Variants in ZNF385D observed in about 807,000 individuals in gnomAD.
The protein encoded by ZNF385D is zinc finger protein 659.
A neutral mutation model predicts 35.8 loss-of-function variants in ZNF385D; 15 were observed. The observed-to-expected ratio is 0.42, with a 90% CI of 0.28 to 0.64. The LOEUF is 0.64. Among genes scored for constraint, ZNF385D ranks in the 30% least tolerant of loss-of-function variants. ZNF385D has a pLI of 0.23. For synonymous variants in ZNF385D, 212 were observed against 186.8 expected (o/e 1.13, Z -1.10); for missense variants, 474 against 494.6 (o/e 0.96, Z 0.39).
intron 2 of ZNF385D, among the ~76,000 whole-genome samples, chr3:21,631,409 C>T (rs1205430890): frequency 6.6e-6 from 1 of 152,054 alleles, no homozygotes; most frequent in Non-Finnish European, 1.5e-5. Context: ...AGCCTATCTC[C>T]CCACCCTACT....
intron 2 of ZNF385D, among the ~76,000 whole-genome samples, chr3:21,652,023 T>C (rs1285724357): frequency 6.6e-6 from 1 of 152,196 alleles, no homozygotes; most frequent in East Asian, 1.9e-4. Flanking sequence ...CCATTAGAAT[T>C]GATACTCATA....
chr3:22,235,034 G>A (rs1699099339), intron 2 of ZNF385D, among the ~76,000 whole-genome samples: 1 of 151,976 alleles, frequency 6.6e-6, no homozygotes, highest in Non-Finnish European at 1.5e-5. Context: ...AAGATTTCAA[G>A]TGGAGCCACT....
intron 3 of ZNF385D, among the ~76,000 whole-genome samples, chr3:22,044,180 G>C (rs1698845830): frequency 6.6e-6 from 1 of 151,624 alleles, no homozygotes; most frequent in East Asian, 1.9e-4. Context: ...AGTCACAAAA[G>C]TACTCCTTAA....
At chr3:21,672,856 T>G (rs2066617539) in intron 1 of ZNF385D, among the ~76,000 whole-genome samples, 1 of 152,118 alleles carries the variant, frequency 6.6e-6, no homozygotes, top group Non-Finnish European at 1.5e-5. Context: ...AAACGGGATC[T>G]CTCACTTATT....
chr3:22,073,330 GA>G (rs5847159), intron 3 of ZNF385D, among the ~76,000 whole-genome samples: 1,518 of 138,540 alleles, frequency 0.011, 17 homozygotes, highest in African/African-American at 0.024. Flanking sequence ...AACAGACAGT[GA>G]AAAAAAAAAA....
intron 3 of ZNF385D, among the ~76,000 whole-genome samples, chr3:22,035,181 G>C (rs535474793): frequency 2.0e-5 from 3 of 152,136 alleles, no homozygotes; most frequent in Non-Finnish European, 4.4e-5. Flanking sequence ...GTATCATTTA[G>C]TTTGATCGCA....
At chr3:21,827,010 C>T (rs979463900) in intron 3 of ZNF385D, among the ~76,000 whole-genome samples, 5 of 152,086 alleles carry the variant, frequency 3.3e-5, no homozygotes, top group Non-Finnish European at 7.4e-5. Context: ...TGTGCCTCTG[C>T]TTCTCTATAG....
chr3:21,945,106 G>C (rs1206292775), intron 3 of ZNF385D, among the ~76,000 whole-genome samples: 3 of 151,666 alleles, frequency 2.0e-5, no homozygotes, highest in Non-Finnish European at 4.4e-5. Context: ...ATGTGTGTGT[G>C]TGTGCATGTA....
intron 2 of ZNF385D, among the ~76,000 whole-genome samples, chr3:22,195,557 A>ACATT (rs2125233152): frequency 6.6e-6 from 1 of 152,144 alleles, no homozygotes; most frequent in Non-Finnish European, 1.5e-5. Context: ...TTATAGTTTT[A>ACATT]CATTTTGAAA....
At chr3:21,962,170 G>T (rs1479962) in intron 3 of ZNF385D, among the ~76,000 whole-genome samples, 103,593 of 151,662 alleles carry the variant, frequency 0.68, 36,511 homozygotes, top group Non-Finnish European at 0.77. Flanking sequence ...ATGTTTAAGA[G>T]GATATTGCTG....
chr3:21,990,757 C>A (rs1695103598), intron 3 of ZNF385D, among the ~76,000 whole-genome samples: 1 of 152,162 alleles, frequency 6.6e-6, no homozygotes, highest in African/African-American at 2.4e-5. Context: ...TACAGAAAAA[C>A]TGTATGAGCT....
intron 3 of ZNF385D, among the ~76,000 whole-genome samples, chr3:21,964,470 A>ATTTTTTTTT (rs377650103): frequency 4.4e-5 from 3 of 68,142 alleles, no homozygotes; most frequent in East Asian, 4.7e-4. Flanking sequence ...AATTTCTCAG[A>ATTTTTTTTT]TTTTTTTTTT....
intron 1 of ZNF385D, among the ~76,000 whole-genome samples, chr3:21,702,199 A>C (rs986845079): frequency 1.3e-5 from 2 of 152,170 alleles, no homozygotes; most frequent in Admixed American, 6.5e-5. Flanking sequence ...GCGTTTCAAT[A>C]TATCTTCTGA....
intron 2 of ZNF385D, among the ~76,000 whole-genome samples, chr3:22,255,359 T>TA (rs983762406): frequency 4.0e-5 from 6 of 151,490 alleles, no homozygotes; most frequent in African/African-American, 1.5e-4. Flanking sequence ...AACAGACAAA[T>TA]ATATTATTGT....
chr3:21,771,420 A>G (rs1032906960), intron 3 of ZNF385D, among the ~76,000 whole-genome samples: 8 of 151,948 alleles, frequency 5.3e-5, no homozygotes, highest in Non-Finnish European at 1.2e-4. Context: ...TTAAATGTCC[A>G]GTTTTTAGCA....
intron 4 of ZNF385D, among the ~76,000 whole-genome samples, chr3:21,481,387 G>A (rs998842444): frequency 6.6e-6 from 1 of 152,132 alleles, no homozygotes; most frequent in Non-Finnish European, 1.5e-5. Context: ...AGGGTCAACA[G>A]AGTAGACTGT....
chr3:21,632,603 G>C (rs146122169), intron 2 of ZNF385D, among the ~76,000 whole-genome samples: 152 of 152,230 alleles, frequency 1.0e-3, no homozygotes, highest in African/African-American at 3.5e-3. Flanking sequence ...CTGGGAGATT[G>C]AACAATAATG....
At chr3:21,683,968 C>T (rs952612909) in intron 1 of ZNF385D, among the ~76,000 whole-genome samples, 1 of 150,236 alleles carries the variant, frequency 6.7e-6, no homozygotes, top group Admixed American at 6.6e-5. Context: ...AACATAGCCA[C>T]ATCTGTGCTG....
At chr3:22,104,062 T>A (rs1007724492) in intron 3 of ZNF385D, among the ~76,000 whole-genome samples, 1 of 151,920 alleles carries the variant, frequency 6.6e-6, no homozygotes, top group African/African-American at 2.4e-5. Context: ...CCTTGGGGAG[T>A]GAGGGACGTA....
Sources: allele counts gnomAD v4.1 joint callset (sites outside exome capture counted in the v4.1 genomes callset), GRCh38; gene constraint gnomAD v4.1.1; transcripts MANE v1.5; gene names NCBI Gene and HGNC (gene_info 2026-07-23, HGNC 2026-07-21).